The following RIMBP2 variants were observed in gnomAD, a reference collection of about 807,000 sequenced individuals.
RIMBP2 encodes RIMS-binding protein 2.
Under a neutral mutation model 118.6 loss-of-function variants are expected in RIMBP2, and 48 were observed. That is an observed-to-expected ratio of 0.40 (90% CI 0.32 to 0.51). The LOEUF (loss-of-function observed/expected upper bound fraction) is 0.51, where lower values mean the gene tolerates loss of function less well. RIMBP2 is among the 20% of genes least tolerant of loss of function. The pLI is 0.41. For missense variants in RIMBP2, 1,551 were observed against 1,768.3 expected, an observed-to-expected ratio of 0.88 and a Z score of 2.20; for synonymous variants, 762 against 742.9, an observed-to-expected ratio of 1.03 and a Z score of -0.42.
chr12:130,674,148 C>T (rs935474804), intron 1 of RIMBP2, among the ~76,000 whole-genome samples: 3 of 151,940 alleles, frequency 2.0e-5, no homozygotes, highest in East Asian at 1.9e-4. Flanking sequence ...ATGTGTGTGG[C>T]GCCTCCTCCT....
intron 4 of RIMBP2, among the ~76,000 whole-genome samples, chr12:130,500,554 G>C (rs2049655094): frequency 6.6e-6 from 1 of 152,212 alleles, no homozygotes; most frequent in Admixed American, 6.5e-5. Context: ...GTTGTCTTTA[G>C]CTAAATTGAA....
intron 6 of RIMBP2, among the ~76,000 whole-genome samples, chr12:130,462,943 A>G (rs2080135305): frequency 6.6e-6 from 1 of 152,160 alleles, no homozygotes; most frequent in Non-Finnish European, 1.5e-5. Context: ...TACCAAGGAG[A>G]ACCTAAGAGT....
chr12:130,604,577 C>CTTTTTTTT (rs869251548), intron 2 of RIMBP2, among the ~76,000 whole-genome samples: 3 of 68,154 alleles, frequency 4.4e-5, no homozygotes, highest in East Asian at 6.3e-4. Context: ...ACAGATGCCC[C>CTTTTTTTT]TTTTCTTTCT....
At chr12:130,650,682 T>C (rs1360732260) in intron 1 of RIMBP2, among the ~76,000 whole-genome samples, 3 of 152,214 alleles carry the variant, frequency 2.0e-5, no homozygotes, top group East Asian at 3.9e-4. Flanking sequence ...AGATTTACTC[T>C]AATTGTCTGA....
rs2062973778 is a variant in RIMBP2, at chr12:130,646,442, G to GCCACCTCCCTCACCACCTCCCTCA, written c.-351-17987_-351-17986insTGAGGGAGGTGGTGAGGGAGGTGG. 1.1e-3 allele frequency among the ~76,000 whole-genome samples: 5 copies of GCCACCTCCCTCACCACCTCCCTCA among 4,622 alleles called. 2 individuals are homozygous for GCCACCTCCCTCACCACCTCCCTCA. Among genetic ancestry groups the GCCACCTCCCTCACCACCTCCCTCA allele is most frequent in the East Asian group, 0.023 (2 of 88 alleles). The allele number at this position is 4,622 out of a possible 152,430, so 3.0% of individuals were successfully genotyped here. On this transcript the variant is annotated intron_variant, in intron 1 of 22. Transcript: ENST00000690449. ...CACCACTTCCCTCTCCACCTCCCTT[G>GCCACCTCCCTCACCACCTCCCTCA]CCACCTCCCTCGCCACCTCCCTCGC... is the stretch of plus-strand genomic sequence containing the variant.
At position 130,475,936 on chromosome 12, in the gene RIMBP2, T is replaced by C. The variant is rs1566105616; in HGVS notation, c.102+2976A>G. Among the ~76,000 whole-genome samples, 1 of 151,678 alleles carries C rather than the reference T, an allele frequency of 6.6e-6. No individual in the cohort carries two copies. The highest frequency in any genetic ancestry group is 2.1e-4 in the South Asian group (1 of 4,780). On this transcript the variant is annotated intron_variant, in intron 5 of 22. Coordinates refer to ENST00000690449, the MANE Select transcript of RIMBP2 (RefSeq NM_001393629.1). The surrounding 1 kb of genome is among the most constrained non-coding windows in gnomAD (Gnocchi z 4.1). Reference sequence around the variant, plus strand: ...GTCAAGCAGAGGGTGAGTAAAGGAATTGGGGCACAGTGGCATCGTCTGGCT... The same window carrying C: ...GTCAAGCAGAGGGTGAGTAAAGGAACTGGGGCACAGTGGCATCGTCTGGCT...
intron 4 of RIMBP2, among the ~76,000 whole-genome samples, chr12:130,487,405 G>C (rs1174723555): frequency 6.6e-6 from 1 of 152,136 alleles, no homozygotes; most frequent in Non-Finnish European, 1.5e-5. Flanking sequence ...TCGAGAGCTG[G>C]TTGTTTAAGG....
chr12:130,477,894 G>C (rs572893754), intron 5 of RIMBP2, among the ~76,000 whole-genome samples: 1 of 152,236 alleles, frequency 6.6e-6, no homozygotes, highest in East Asian at 1.9e-4. Flanking sequence ...CTGCACTCTG[G>C]CCACAGGGGT....
intron 2 of RIMBP2, among the ~76,000 whole-genome samples, chr12:130,584,083 CCACCATCACCTCAT>C (rs2058671825): frequency 1.3e-5 from 2 of 150,148 alleles, no homozygotes; most frequent in African/African-American, 4.9e-5. Context: ...CATCACCTCA[CCACCATCACCTCAT>C]CACCATTACA....
intron 3 of RIMBP2, among the ~76,000 whole-genome samples, chr12:130,510,158 G>A (rs35327121): frequency 0.047 from 7,192 of 152,242 alleles, 214 homozygotes; most frequent in South Asian, 0.16. Flanking sequence ...ACCGGGCACC[G>A]GAACGCATTC....
At chr12:130,518,758 G>C (rs1031497372) in intron 2 of RIMBP2, among the ~76,000 whole-genome samples, 1 of 152,184 alleles carries the variant, frequency 6.6e-6, no homozygotes, top group African/African-American at 2.4e-5. Context: ...AAGTAAGACA[G>C]GGAGAGTGAG....
At chr12:130,494,761 T>C (rs888490960) in intron 4 of RIMBP2, among the ~76,000 whole-genome samples, 2 of 152,236 alleles carry the variant, frequency 1.3e-5, no homozygotes, top group Admixed American at 6.5e-5. Context: ...CCCTCTTCCC[T>C]GCTGTCCAGA....
chr12:130,665,825 A>G (rs2063892895), intron 1 of RIMBP2, among the ~76,000 whole-genome samples: 1 of 152,152 alleles, frequency 6.6e-6, no homozygotes, highest in African/African-American at 2.4e-5. Context: ...CCATCACGAT[A>G]CTGCAGCCAT....
chr12:130,486,880 C>A (rs1166457952), intron 4 of RIMBP2, among the ~76,000 whole-genome samples: 1 of 150,760 alleles, frequency 6.6e-6, no homozygotes, highest in Non-Finnish European at 1.5e-5. Flanking sequence ...CTCCCCTGGA[C>A]CATAACCAGC....
In RIMBP2 at chr12:130,646,215, C is replaced by T. The variant is rs1168051132; in HGVS notation, c.-351-17759G>A. 2.0e-4 allele frequency among the ~76,000 whole-genome samples: 16 copies of T among 78,696 alleles called. 3 individuals are homozygous for T. The highest frequency in any genetic ancestry group is 3.3e-4 in the Non-Finnish European group (11 of 32,900). 51.6% of individuals were successfully genotyped at this position (78,696 alleles called of 152,430 possible). A position where few individuals can be genotyped will look rare whatever the true frequency, so the allele number is the denominator to read the frequency against. ...ACCACTTCCCTCTCCACCTCCCTCT[C>T]CACCTCCCTCACCACCTGCCTCTCC... On this transcript the variant is annotated intron_variant, in intron 1 of 22. Transcript: ENST00000690449.
At chr12:130,687,032 T>C (rs80126421) in intron 1 of RIMBP2, among the ~76,000 whole-genome samples, 4,404 of 152,326 alleles carry the variant, frequency 0.029, 214 homozygotes, top group African/African-American at 0.1. Flanking sequence ...GTGGAGAGAC[T>C]ACATTTTCTT....
At chr12:130,682,678 C>G (rs2064851025) in intron 1 of RIMBP2, among the ~76,000 whole-genome samples, 1 of 152,206 alleles carries the variant, frequency 6.6e-6, no homozygotes. Context: ...GATCGATTTC[C>G]TTGTGTCACT....
chr12:130,449,430 T>C (rs1476425230), intron 9 of RIMBP2, among the ~76,000 whole-genome samples: 1 of 152,160 alleles, frequency 6.6e-6, no homozygotes, highest in Non-Finnish European at 1.5e-5. Flanking sequence ...GCACAAACAC[T>C]GAAGGCCCCT....
At position 130,436,943 on chromosome 12, in the gene RIMBP2, G is replaced by A; in HGVS notation, c.2005C>T (p.Pro669Ser). Residue 669 changes from proline (P) to serine (S), a missense_variant, in exon 13 of 23, where the codon CCC (proline) becomes TCC (serine). Around this residue, in one of 5 missense-constraint regions of RIMBP2, gnomAD observed 1,038 missense variants for 1,125.1 expected, o/e 0.92. Transcript: ENST00000690449. ...TGTGGCTGTGGCAGGATGCGGCTGG[G>A]TGAGGGCGACCGCCTTCCGGGGCCC... ...PVGPGRRSPSPSRILPQPQGT... is the reference protein window; with the variant it reads ...PVGPGRRSPSSSRILPQPQGT... The A allele has an allele frequency of 6.2e-7, 1 of 1,603,792 alleles. No homozygotes were observed.
Sources: allele counts gnomAD v4.1 joint callset (sites outside exome capture counted in the v4.1 genomes callset), GRCh38; gene constraint gnomAD v4.1.1; regional missense constraint gnomAD v4.1.1; non-coding constraint Gnocchi (gnomAD v3.1); transcripts MANE v1.5; gene names NCBI Gene and HGNC (gene_info 2026-07-23, HGNC 2026-07-21).